AIG1: variants seen among roughly 807,000 people sequenced by gnomAD.
AIG1 encodes androgen induced 1.
Under a neutral mutation model 31.4 loss-of-function variants are expected in AIG1, and 23 were observed. That is an observed-to-expected ratio of 0.73 (90% CI 0.53 to 1.04). The LOEUF (loss-of-function observed/expected upper bound fraction) is 1.04, where lower values mean the gene tolerates loss of function less well. Ranked by LOEUF, AIG1 falls within the 50% of genes least tolerant of loss-of-function variation. AIG1 has a pLI of 0.00. For missense variants in AIG1, 274 were observed against 295.0 expected (o/e 0.93, Z 0.52); for synonymous variants, 100 against 110.5 (o/e 0.90, Z 0.60).
chr6:143,342,640 T>A (rs1383713601), downstream of AIG1: 1 of 1,182,838 alleles, frequency 8.5e-7, no homozygotes, highest in African/African-American at 1.5e-5. Flanking sequence ...TCCAGAGTTA[T>A]TTTGATGGCA....
intron 1 of AIG1, among the ~76,000 whole-genome samples, chr6:143,089,643 T>C (rs912620545): frequency 7.2e-5 from 11 of 152,124 alleles, no homozygotes; most frequent in Admixed American, 2.6e-4. Context: ...GGGCATCTGG[T>C]GAAAGTCTCA....
At chr6:143,213,403 A>G (rs1300257382) in intron 3 of AIG1, among the ~76,000 whole-genome samples, 1 of 151,750 alleles carries the variant, frequency 6.6e-6, no homozygotes, top group African/African-American at 2.4e-5. Context: ...TTGACTGCAC[A>G]TTGGATAGTA....
intron 1 of AIG1, among the ~76,000 whole-genome samples, chr6:143,082,803 A>G (rs183478367): frequency 2.0e-5 from 3 of 152,288 alleles, no homozygotes; most frequent in East Asian, 3.9e-4. Flanking sequence ...AGAGCTGTTC[A>G]TGTTTTTTCT....
chr6:143,343,665 T>C (rs1489830447), downstream of AIG1, among the ~76,000 whole-genome samples: 1 of 152,190 alleles, frequency 6.6e-6, no homozygotes, highest in Non-Finnish European at 1.5e-5. Flanking sequence ...CACTATATTT[T>C]CTCAAGGCTA....
intron 3 of AIG1, among the ~76,000 whole-genome samples, chr6:143,281,548 G>C (rs565707166): frequency 6.6e-6 from 1 of 152,268 alleles, no homozygotes; most frequent in East Asian, 1.9e-4. Context: ...TGCTGCTATA[G>C]ATTTTAAGTT....
intron 3 of AIG1, among the ~76,000 whole-genome samples, chr6:143,269,032 C>G (rs148207366): frequency 2.2e-4 from 33 of 151,986 alleles, no homozygotes; most frequent in African/African-American, 7.7e-4. Context: ...CTTTGCAGCT[C>G]CTAGTAGGGT....
At chr6:143,186,450 C>A (rs117197571) in intron 3 of AIG1, among the ~76,000 whole-genome samples, 1 of 152,164 alleles carries the variant, frequency 6.6e-6, no homozygotes, top group African/African-American at 2.4e-5. Context: ...TTCCCCTTTA[C>A]GCAACCCATT....
upstream of AIG1, chr6:143,060,662 A>G: frequency 2.2e-6 from 1 of 455,994 alleles, no homozygotes; most frequent in South Asian, 1.6e-5. Context: ...AGGTGACGAA[A>G]GAGATGACGA....
intron 1 of AIG1, 59 bp downstream of exon 1, chr6:143,061,125 T>TGC: frequency 7.0e-7 from 1 of 1,429,114 alleles, no homozygotes; most frequent in Non-Finnish European, 9.6e-7. Context: ...TGCGTGTGTG[T>TGC]GTGTGTGTGT....
intron 3 of AIG1, among the ~76,000 whole-genome samples, chr6:143,168,284 T>C (rs1787155425): frequency 6.6e-6 from 1 of 152,072 alleles, no homozygotes; most frequent in Admixed American, 6.5e-5. Flanking sequence ...TACTTTAAGT[T>C]TTAGGGTATA....
chr6:143,067,697 A>G lies in AIG1; in HGVS notation c.141+6631A>G, dbSNP rs539891651. ...AAAATACCTTGAGAAGAGATTCTGC[A>G]TGTCATTATGTAACTATGGTACTTA... On this transcript the variant is annotated intron_variant, in intron 1 of 5. Transcript: ENST00000357847. Among the ~76,000 whole-genome samples, 48 of 152,334 alleles carry G rather than the reference A, an allele frequency of 3.2e-4. 1 individual carries two copies. Among genetic ancestry groups the G allele is most frequent in the African/African-American group, 1.1e-3 (46 of 41,574 alleles).
At chr6:143,136,353 A>G (rs1216945908) in intron 1 of AIG1, among the ~76,000 whole-genome samples, 3 of 152,216 alleles carry the variant, frequency 2.0e-5, no homozygotes, top group Non-Finnish European at 4.4e-5. Flanking sequence ...AAAGCATAGG[A>G]AAGTTTTTCA....
At chr6:143,320,820 ATTT>A (rs35582590) in intron 4 of AIG1, among the ~76,000 whole-genome samples, 5 of 134,426 alleles carry the variant, frequency 3.7e-5, no homozygotes, top group Non-Finnish European at 4.9e-5. Flanking sequence ...AAGCGAGTAG[ATTT>A]TTTTTTTTTT....
At chr6:143,311,792 A>C (rs1775300798) in intron 4 of AIG1, among the ~76,000 whole-genome samples, 1 of 152,024 alleles carries the variant, frequency 6.6e-6, no homozygotes, top group African/African-American at 2.4e-5. Context: ...TGTTTGTATG[A>C]TCTTATGTTT....
chr6:143,185,216 T>C (rs1353667498), intron 3 of AIG1, among the ~76,000 whole-genome samples: 1 of 147,752 alleles, frequency 6.8e-6, no homozygotes, highest in African/African-American at 2.5e-5. Context: ...AAAAATTCAA[T>C]CTCATATATT....
At chr6:143,095,417 T>C (rs181488512) in intron 1 of AIG1, among the ~76,000 whole-genome samples, 84 of 152,200 alleles carry the variant, frequency 5.5e-4, no homozygotes, top group African/African-American at 2.0e-3. Context: ...CCTGGCAAAG[T>C]TTGAGGTTTA....
Position 143,280,693 on chromosome 6 carries a change from A to G in AIG1, c.400-3417A>G, listed in dbSNP as rs1280405839. 1.3e-5 allele frequency among the ~76,000 whole-genome samples: 2 copies of G among 152,204 alleles called. No homozygotes were observed. The highest frequency in any genetic ancestry group is 2.9e-5 in the Non-Finnish European group (2 of 68,036). The stretch of plus-strand genomic sequence containing the variant: ...TGATAAGAACTTATGAACACAAAGA[A>G]GGAAATAACAGACACTGGGGTCTAC... On this transcript the variant is annotated intron_variant, in intron 3 of 5. Transcript: ENST00000357847. The surrounding 1 kb of genome is among the most constrained non-coding windows in gnomAD (Gnocchi z 4.1).
intron 2 of AIG1, among the ~76,000 whole-genome samples, chr6:143,160,118 CTG>C: frequency 6.6e-6 from 1 of 152,312 alleles, no homozygotes; most frequent in South Asian, 2.1e-4. Flanking sequence ...CCTCTTCCCT[CTG>C]TCCTTCCCTC....
intron 4 of AIG1, among the ~76,000 whole-genome samples, chr6:143,304,769 T>G (rs1393660580): frequency 6.6e-6 from 1 of 152,016 alleles, no homozygotes; most frequent in African/African-American, 2.4e-5. Context: ...TTCCCTCTTT[T>G]TCTATTGATT....
Sources: allele counts gnomAD v4.1 joint callset (sites outside exome capture counted in the v4.1 genomes callset), GRCh38; gene constraint gnomAD v4.1.1; non-coding constraint Gnocchi (gnomAD v3.1); transcripts MANE v1.5; gene names NCBI Gene and HGNC (gene_info 2026-07-23, HGNC 2026-07-21).